NSMAF: variants seen among roughly 807,000 people sequenced by gnomAD.
NSMAF encodes neutral sphingomyelinase activation associated factor, also known as protein FAN.
In NSMAF, 90 loss-of-function variants were observed where a neutral mutation model predicts 134.9. The ratio of observed to expected loss-of-function variants is 0.67; its 90% confidence interval spans 0.56 to 0.79. NSMAF has a LOEUF of 0.79. Among genes scored for constraint, NSMAF ranks in the 30% least tolerant of loss-of-function variants. The pLI is 0.00. For missense variants in NSMAF, 1,010 were observed against 1,119.0 expected, an observed-to-expected ratio of 0.90 and a Z score of 1.39; for synonymous variants, 358 against 389.6, an observed-to-expected ratio of 0.92 and a Z score of 0.96.
intron 9 of NSMAF, among the ~76,000 whole-genome samples, chr8:58,621,517 C>A (rs1330589369): frequency 6.6e-6 from 1 of 152,130 alleles, no homozygotes; most frequent in Admixed American, 6.6e-5. Context: ...GTTTTAAGTT[C>A]TTTGAGAAAT....
chr8:58,593,404 A>G (rs1048073685), intron 23 of NSMAF, among the ~76,000 whole-genome samples: 1 of 152,260 alleles, frequency 6.6e-6, no homozygotes, highest in South Asian at 2.1e-4. Flanking sequence ...GATTTTCCTG[A>G]AAGTGTTTAG....
chr8:58,615,388 C>T (rs947595142), intron 9 of NSMAF, among the ~76,000 whole-genome samples: 7 of 152,282 alleles, frequency 4.6e-5, no homozygotes, highest in African/African-American at 1.4e-4. Flanking sequence ...GCTCACATTC[C>T]TTTCAATGGC....
chr8:58,617,668 C>T (rs1806692680), intron 9 of NSMAF, among the ~76,000 whole-genome samples: 1 of 152,108 alleles, frequency 6.6e-6, no homozygotes, highest in Admixed American at 6.5e-5. Flanking sequence ...ACAACAGATA[C>T]TGGAGAGGAT....
chr8:58,651,576 T>C (rs1807582594), intron 1 of NSMAF, among the ~76,000 whole-genome samples: 1 of 152,144 alleles, frequency 6.6e-6, no homozygotes, highest in Non-Finnish European at 1.5e-5. Flanking sequence ...TGAGAAGAAA[T>C]GGTAAAAATG....
intron 9 of NSMAF, among the ~76,000 whole-genome samples, chr8:58,613,167 G>A (rs1050637276): frequency 6.6e-6 from 1 of 151,852 alleles, no homozygotes; most frequent in African/African-American, 2.4e-5. Flanking sequence ...AAATATCTAA[G>A]TATTAAAAAT....
At chr8:58,641,094 G>C (rs907699613) in intron 2 of NSMAF, among the ~76,000 whole-genome samples, 1 of 151,274 alleles carries the variant, frequency 6.6e-6, no homozygotes, top group Admixed American at 6.6e-5. Context: ...GCTAATTTTT[G>C]TATTTTAGCA....
Position 58,597,514 on chromosome 8 carries a change from CG to C in NSMAF, c.1664del (p.Thr555SerfsTer15). ...GTGTCTGCCCAAATTCCAAGATTTG[CG>C]TAAGCATGGCTACCTTCTCATCAGG... ...QDPDEKVAMLTQILEFGQTPK... is the reference protein window; with the variant it reads ...QDPDEKVAMLXQILEFGQTPK... On this transcript the variant is annotated frameshift_variant, in exon 21 of 31. Coordinates refer to ENST00000038176, the MANE Select transcript of NSMAF (RefSeq NM_003580.4). LOFTEE classifies it high-confidence loss of function. The C allele has an allele frequency of 6.2e-7, 1 of 1,614,130 alleles. No individual in the cohort carries two copies. Among genetic ancestry groups the C allele is most frequent in the Non-Finnish European group, 8.5e-7 (1 of 1,179,986 alleles).
At chr8:58,591,099 C>T in intron 23 of NSMAF, 165 bp from the exon 24 acceptor site, 1 of 664,194 alleles carries the variant, frequency 1.5e-6, no homozygotes, top group South Asian at 2.3e-5. Flanking sequence ...GACCTAAGGC[C>T]TCATCCAACA....
At chr8:58,634,451 C>T (rs115787885) in intron 5 of NSMAF, among the ~76,000 whole-genome samples, 39 of 152,256 alleles carry the variant, frequency 2.6e-4, no homozygotes, top group African/African-American at 6.7e-4. Flanking sequence ...TCAGCAAGTC[C>T]GTGCATCTTT....
chr8:58,600,447 A>G (rs1251767656), intron 16 of NSMAF, among the ~76,000 whole-genome samples: 2 of 152,018 alleles, frequency 1.3e-5, no homozygotes, highest in Admixed American at 1.3e-4. Flanking sequence ...ACATGGTGAA[A>G]CCTCATCTCT....
Position 58,595,597 on chromosome 8 carries a change from T to G in NSMAF, c.1855A>C (p.Lys619Gln). ...TTATAGTGCTCGTGTAACTGCAGTT[T>G]GGTGATGTTATTCCAGGCCAGTGTT... ...SKTLAWNNIT[K>Q]LQLHEHYKIH... Residue 619 changes from lysine to glutamine, a missense_variant, in exon 22 of 31, where the codon AAA (lysine) becomes CAA (glutamine). Lys to Gln is a moderately conservative substitution (Grantham distance 53). Coordinates refer to ENST00000038176, the MANE Select transcript of NSMAF (RefSeq NM_003580.4). The G allele has an allele frequency of 6.2e-7, 1 of 1,614,064 alleles. No homozygotes were observed. The highest frequency in any genetic ancestry group is 8.5e-7 in the Non-Finnish European group (1 of 1,179,910).
Position 58,607,685 on chromosome 8 carries a change from C to T in NSMAF, c.759+84G>A, listed in dbSNP as rs562915313. On this transcript the variant is annotated intron_variant, in intron 11 of 30. Transcript: ENST00000038176. ...ACAGTGTACTTGTACTTTCAGACATCCCATAAGTGTTTACCGTCAATAAAC... is the reference window on the plus strand; with the variant it reads ...ACAGTGTACTTGTACTTTCAGACATTCCATAAGTGTTTACCGTCAATAAAC... 264 of 1,005,918 alleles carry T rather than the reference C, an allele frequency of 2.6e-4. 2 individuals carry two copies. In the South Asian group the frequency reaches 2.9e-3, roughly 11 times the overall value. 62.3% of individuals were successfully genotyped at this position (1,005,918 alleles called of 1,614,324 possible).
rs2228506 is a variant in NSMAF, at chr8:58,597,514, C to T, written c.1665G>A (p.Thr555=). The T allele has an allele frequency of 2.9e-5, 47 of 1,614,130 alleles. No homozygotes were observed. In the East Asian group the frequency reaches 6.0e-4, roughly 21 times the overall value. The change falls in exon 21 of 31, where the codon ACG becomes ACA. Residue 555 remains threonine, a synonymous_variant. Transcript: ENST00000038176. ...QDPDEKVAML[T]QILEFGQTPK... The stretch of plus-strand genomic sequence containing the variant: ...GTGTCTGCCCAAATTCCAAGATTTG[C>T]GTAAGCATGGCTACCTTCTCATCAG...
At chr8:58,602,721 T>C (rs1806312651) in intron 13 of NSMAF, among the ~76,000 whole-genome samples, 1 of 152,190 alleles carries the variant, frequency 6.6e-6, no homozygotes, top group African/African-American at 2.4e-5. Context: ...TAATCTGTGG[T>C]AGCAAGAGAA....
rs1806400133 is a variant in NSMAF at position 58,605,984 on chromosome 8, T to G, written c.811A>C (p.Lys271Gln). 1.3e-6 allele frequency: 2 copies of G among 1,599,814 alleles called. No homozygotes were observed. The highest frequency in any genetic ancestry group is 2.3e-5 in the South Asian group (2 of 87,146). Residue 271 changes from lysine (K) to glutamine (Q), a missense_variant, in exon 12 of 31, where the codon AAG becomes CAG. By Grantham distance (53) the Lys-to-Gln change is moderately conservative. Transcript: ENST00000038176. ...EDDLCSDIYL[K>Q]FYEPQDRDDL... Reference sequence around the variant, plus strand: ...TCTCTATCTTGAGGTTCATAGAACTTTAGGTAGATGTCGGAACACAGATCA... The same window carrying G: ...TCTCTATCTTGAGGTTCATAGAACTGTAGGTAGATGTCGGAACACAGATCA...
intron 6 of NSMAF, among the ~76,000 whole-genome samples, chr8:58,626,091 C>CTTTT (rs1225264071): frequency 5.8e-4 from 58 of 99,380 alleles, no homozygotes; most frequent in East Asian, 1.3e-3. Flanking sequence ...TTATATAATT[C>CTTTT]TTTTTTTTTT....
At chr8:58,640,688 TAATTA>T (rs1268079504) in intron 2 of NSMAF, among the ~76,000 whole-genome samples, 1 of 152,188 alleles carries the variant, frequency 6.6e-6, no homozygotes, top group Non-Finnish European at 1.5e-5. Context: ...TCCAACTTTA[TAATTA>T]AATTCATTTG....
intron 2 of NSMAF, chr8:58,637,314 C>A (rs972275627): frequency 1.1e-5 from 5 of 455,980 alleles, no homozygotes; most frequent in African/African-American, 4.0e-5. Context: ...CTCCAAAGAA[C>A]CCCCATCCTT....
At chr8:58,619,726 G>T (rs1268672552) in intron 9 of NSMAF, among the ~76,000 whole-genome samples, 4 of 151,946 alleles carry the variant, frequency 2.6e-5, no homozygotes, top group Non-Finnish European at 5.9e-5. Flanking sequence ...AATAACATAA[G>T]ACAGGAAAGA....
Sources: gnomAD v4.1 joint callset for allele counts (sites outside exome capture counted in the v4.1 genomes callset) on GRCh38, gnomAD v4.1.1 for gene constraint, MANE v1.5 for transcripts, NCBI Gene and HGNC (gene_info 2026-07-23, HGNC 2026-07-21) for gene names.